The following TMEM117 variants were observed in gnomAD, a reference collection of about 807,000 sequenced individuals.
TMEM117 encodes transmembrane protein 117.
A neutral mutation model predicts 52.4 loss-of-function variants in TMEM117; 27 were observed. That is an observed-to-expected ratio of 0.51 (90% confidence interval 0.38 to 0.71). TMEM117 has a LOEUF of 0.71. Ranked by LOEUF, TMEM117 falls within the 30% of genes least tolerant of loss-of-function variation. The pLI, the probability that TMEM117 is intolerant of heterozygous loss-of-function variation, is 0.00. For missense variants in TMEM117, 556 were observed against 630.5 expected, an observed-to-expected ratio of 0.88 and a Z score of 1.26; for synonymous variants, 215 against 206.3, an observed-to-expected ratio of 1.04 and a Z score of -0.36.
chr12:43,892,968 G>A lies in TMEM117; in HGVS notation c.277+48040G>A, dbSNP rs12320092. On this transcript the variant is annotated intron_variant, in intron 2 of 7. Coordinates refer to ENST00000266534, the MANE Select transcript of TMEM117 (RefSeq NM_032256.3). The stretch of plus-strand genomic sequence containing the variant: ...ACTTAAGGGAATGTCTAGGCAGAAG[G>A]AATAGCAAGTGAAAAGCCCAGAGGT... Among the ~76,000 whole-genome samples the A allele has an allele frequency of 9.6e-3, 1,466 of 152,302 alleles. 22 individuals are homozygous for A. Among genetic ancestry groups the A allele is most frequent in the African/African-American group, 0.033 (1,379 of 41,558 alleles).
intron 5 of TMEM117, among the ~76,000 whole-genome samples, chr12:44,230,361 C>A (rs115725508): frequency 6.6e-6 from 1 of 151,950 alleles, no homozygotes. Context: ...CCCTCCACCT[C>A]TCTCTCTCTG....
intron 6 of TMEM117, among the ~76,000 whole-genome samples, chr12:44,343,748 A>G (rs1951447829): frequency 6.6e-6 from 1 of 152,178 alleles, no homozygotes; most frequent in Non-Finnish European, 1.5e-5. Context: ...ACTGTTTAAA[A>G]TAAAATGTTA....
At chr12:44,286,173 T>C (rs1021526013) in intron 5 of TMEM117, among the ~76,000 whole-genome samples, 3 of 151,956 alleles carry the variant, frequency 2.0e-5, no homozygotes, top group Non-Finnish European at 2.9e-5. Flanking sequence ...TAAAAAGAAA[T>C]CAAAGTTATT....
intron 4 of TMEM117, among the ~76,000 whole-genome samples, chr12:44,156,058 T>C (rs185885360): frequency 6.6e-6 from 1 of 152,208 alleles, no homozygotes; most frequent in Non-Finnish European, 1.5e-5. Flanking sequence ...ACCGGAATCT[T>C]TGTACTGCTT....
chr12:44,325,833 A>G (rs1340440978), intron 6 of TMEM117, among the ~76,000 whole-genome samples: 1 of 152,166 alleles, frequency 6.6e-6, no homozygotes, highest in Non-Finnish European at 1.5e-5. Context: ...AGAAAATTTT[A>G]TATAAAACAT....
chr12:44,268,627 A>G (rs1950409221), intron 5 of TMEM117, among the ~76,000 whole-genome samples: 2 of 152,148 alleles, frequency 1.3e-5, no homozygotes, highest in African/African-American at 2.4e-5. Context: ...ATATATGTAT[A>G]CTATACAGTA....
rs116061813 is a variant in TMEM117, at chr12:43,846,978, A to G, written c.277+2050A>G. Among the ~76,000 whole-genome samples the G allele has an allele frequency of 5.5e-3, 841 of 152,312 alleles. 10 individuals carry two copies. The highest frequency in any genetic ancestry group is 0.019 in the African/African-American group (810 of 41,572). On this transcript the variant is annotated intron_variant, in intron 2 of 7. Coordinates refer to ENST00000266534, the MANE Select transcript of TMEM117 (RefSeq NM_032256.3). ...TATCGTCTTGTGCCTATATGTATAC[A>G]ATGCACACATATGTATAGATGCACA...
chr12:44,012,668 T>C (rs1399097715), intron 3 of TMEM117, among the ~76,000 whole-genome samples: 2 of 152,208 alleles, frequency 1.3e-5, no homozygotes, highest in Non-Finnish European at 2.9e-5. Context: ...AAAAATCCTT[T>C]CTTAGAATTT....
chr12:44,050,036 T>A (rs1946945053), intron 3 of TMEM117, among the ~76,000 whole-genome samples: 1 of 152,204 alleles, frequency 6.6e-6, no homozygotes. Context: ...AAACAATCAA[T>A]AATTCACAAT....
intron 3 of TMEM117, among the ~76,000 whole-genome samples, chr12:44,071,727 C>T (rs914552295): frequency 6.6e-6 from 1 of 152,128 alleles, no homozygotes; most frequent in Non-Finnish European, 1.5e-5. Context: ...TCTGGGGCAT[C>T]TTAGGACCTT....
At chr12:44,302,348 A>G (rs566925213) in intron 6 of TMEM117, among the ~76,000 whole-genome samples, 25 of 152,192 alleles carry the variant, frequency 1.6e-4, no homozygotes, top group African/African-American at 5.8e-4. Context: ...CACGTCTTCT[A>G]TGCTCTAGTT....
At chr12:44,129,664 C>T (rs1382949405) in intron 3 of TMEM117, among the ~76,000 whole-genome samples, 1 of 152,122 alleles carries the variant, frequency 6.6e-6, no homozygotes, top group Non-Finnish European at 1.5e-5. Context: ...TAAGCTCTAC[C>T]TTGTCATGCA....
intron 3 of TMEM117, among the ~76,000 whole-genome samples, chr12:43,959,276 T>TA (rs1945121186): frequency 6.6e-6 from 1 of 152,234 alleles, no homozygotes; most frequent in Non-Finnish European, 1.5e-5. Context: ...CTGGAGCTCT[T>TA]ACATTTATCC....
the TMEM117 span, among the ~76,000 whole-genome samples, chr12:43,827,558 A>G: frequency 1.3e-5 from 2 of 152,226 alleles, no homozygotes; most frequent in Non-Finnish European, 2.9e-5. Flanking sequence ...GGGGATATTT[A>G]CAAAAACACA....
At chr12:43,914,252 C>CT (rs1351846383) in intron 2 of TMEM117, among the ~76,000 whole-genome samples, 2 of 152,118 alleles carry the variant, frequency 1.3e-5, no homozygotes, top group Non-Finnish European at 2.9e-5. Context: ...AGTTACTAAA[C>CT]TTTCTCTGAT....
intron 3 of TMEM117, among the ~76,000 whole-genome samples, chr12:44,015,773 CAG>C (rs899374815): frequency 2.6e-5 from 4 of 152,098 alleles, no homozygotes; most frequent in African/African-American, 9.7e-5. Flanking sequence ...ATATATGACA[CAG>C]ATTTGTTTGT....
chr12:44,232,436 T>G (rs542782482), intron 5 of TMEM117, among the ~76,000 whole-genome samples: 65 of 151,632 alleles, frequency 4.3e-4, no homozygotes, highest in African/African-American at 1.5e-3. Context: ...GTGGGTCTAT[T>G]TTTTAATTGG....
intron 2 of TMEM117, among the ~76,000 whole-genome samples, chr12:43,898,051 C>T (rs953397485): frequency 5.0e-5 from 5 of 99,232 alleles, no homozygotes; most frequent in Admixed American, 3.6e-4. Flanking sequence ...CACGCACGCA[C>T]ACACACACAC....
chr12:44,143,327 C>CT (rs1948596174), intron 3 of TMEM117, among the ~76,000 whole-genome samples, 198 bp from the exon 4 acceptor site: 1 of 152,206 alleles, frequency 6.6e-6, no homozygotes, highest in East Asian at 1.9e-4. Flanking sequence ...CACATTCAGT[C>CT]TTCAAGTATA....
Sources: allele counts gnomAD v4.1 joint callset (sites outside exome capture counted in the v4.1 genomes callset), GRCh38; gene constraint gnomAD v4.1.1; transcripts MANE v1.5; gene names NCBI Gene and HGNC (gene_info 2026-07-23, HGNC 2026-07-21).